The following CNTNAP4 variants were observed in gnomAD, a reference collection of about 807,000 sequenced individuals.
The protein encoded by CNTNAP4 is contactin-associated protein-like 4.
A neutral mutation model predicts 148.4 loss-of-function variants in CNTNAP4; 98 were observed. The observed-to-expected ratio is 0.66, with a 90% CI of 0.56 to 0.78. The LOEUF is 0.78. CNTNAP4 is among the 30% of genes least tolerant of loss of function. The pLI is 0.00. For missense variants in CNTNAP4, 1,935 were observed against 1,565.6 expected, an observed-to-expected ratio of 1.24 and a Z score of -3.98; for synonymous variants, 730 against 565.1, an observed-to-expected ratio of 1.29 and a Z score of -4.14.
chr16:76,450,961 A>G (rs2080445800), intron 7 of CNTNAP4, among the ~76,000 whole-genome samples: 1 of 152,220 alleles, frequency 6.6e-6, no homozygotes, highest in South Asian at 2.1e-4. Context: ...GTGTGGAGGC[A>G]TGTTGGAACT....
chr16:76,427,957 A>G (rs973615213), intron 4 of CNTNAP4, among the ~76,000 whole-genome samples: 1 of 152,202 alleles, frequency 6.6e-6, no homozygotes, highest in Non-Finnish European at 1.5e-5. Context: ...CCTGAGTCTA[A>G]TAAAAGGGAC....
At chr16:76,327,789 G>C (rs11861873) in intron 2 of CNTNAP4, among the ~76,000 whole-genome samples, 1 of 152,160 alleles carries the variant, frequency 6.6e-6, no homozygotes, top group Non-Finnish European at 1.5e-5. Context: ...GAAACTTTCT[G>C]CTTTTGTTCT....
chr16:76,311,243 T>C (rs1208165778), intron 1 of CNTNAP4, among the ~76,000 whole-genome samples: 2 of 152,198 alleles, frequency 1.3e-5, no homozygotes, highest in Admixed American at 6.5e-5. Context: ...TATTAAAATA[T>C]TTTCAGTATA....
chr16:76,302,404 G>C (rs1567629839), intron 1 of CNTNAP4, among the ~76,000 whole-genome samples: 1 of 152,060 alleles, frequency 6.6e-6, no homozygotes. Context: ...CCGTTTATGG[G>C]CTTGCTGTCA....
intron 2 of CNTNAP4, among the ~76,000 whole-genome samples, chr16:76,349,053 G>A (rs1965154017): frequency 6.6e-6 from 1 of 152,016 alleles, no homozygotes; most frequent in Non-Finnish European, 1.5e-5. Flanking sequence ...CCCAACGAAT[G>A]TCTTATGTAA....
chr16:76,432,979 C>T (rs886660764), intron 4 of CNTNAP4, among the ~76,000 whole-genome samples: 1 of 152,110 alleles, frequency 6.6e-6, no homozygotes, highest in Admixed American at 6.6e-5. Context: ...ATTTGGATAA[C>T]TCTCTTACTC....
intron 2 of CNTNAP4, among the ~76,000 whole-genome samples, chr16:76,341,480 A>T (rs562121523): frequency 2.6e-5 from 4 of 152,220 alleles, no homozygotes; most frequent in African/African-American, 2.4e-5. Context: ...AACTGACCAG[A>T]TTTGGCAACT....
intron 3 of CNTNAP4, among the ~76,000 whole-genome samples, chr16:76,380,219 C>G (rs1218322760): frequency 6.6e-6 from 1 of 152,078 alleles, no homozygotes; most frequent in Non-Finnish European, 1.5e-5. Flanking sequence ...TAACTAGAGG[C>G]TTTGTAGTAG....
At chr16:76,458,062 T>A (rs889290088) in intron 8 of CNTNAP4, among the ~76,000 whole-genome samples, 2 of 152,178 alleles carry the variant, frequency 1.3e-5, no homozygotes, top group African/African-American at 2.4e-5. Flanking sequence ...GTTTTCTGTT[T>A]TTGTGTTAAT....
At chr16:76,484,630 T>A (rs1170250166) in intron 12 of CNTNAP4, among the ~76,000 whole-genome samples, 7 of 152,188 alleles carry the variant, frequency 4.6e-5, no homozygotes, top group Non-Finnish European at 8.8e-5. Context: ...CTTATTGATC[T>A]GGTTTTGCAA....
chr16:76,372,064 C>T (rs2014885900), intron 3 of CNTNAP4, among the ~76,000 whole-genome samples: 1 of 152,002 alleles, frequency 6.6e-6, no homozygotes, highest in Non-Finnish European at 1.5e-5. Context: ...ACCGAATTTC[C>T]AATTCACCCA....
intron 2 of CNTNAP4, among the ~76,000 whole-genome samples, chr16:76,319,667 A>G (rs1597179160): frequency 3.3e-5 from 5 of 152,162 alleles, no homozygotes; most frequent in Admixed American, 2.6e-4. Flanking sequence ...ATTTGGAGAC[A>G]TACAGAGACA....
chr16:76,390,665 T>C (rs1465496132), intron 3 of CNTNAP4, among the ~76,000 whole-genome samples: 2 of 152,128 alleles, frequency 1.3e-5, no homozygotes, highest in Non-Finnish European at 2.9e-5. Flanking sequence ...GGAATGTGGC[T>C]TCACAGGTAG....
rs933525867 is a variant in CNTNAP4, at chr16:76,463,612, C to T, written c.1483+1507C>T. ...GTTGCAAAAATATAGAGAGTTCCTG[C>T]ACACCCGACATCCAGTTTCCTCTAT... On this transcript the variant is annotated intron_variant, in intron 9 of 23. Transcript: ENST00000611870. 3.3e-5 allele frequency among the ~76,000 whole-genome samples: 5 copies of T among 152,110 alleles called. No homozygotes were observed. In the East Asian group the frequency reaches 7.7e-4, roughly 24 times the overall value.
At chr16:76,376,592 C>T (rs556611032) in intron 3 of CNTNAP4, among the ~76,000 whole-genome samples, 4 of 152,300 alleles carry the variant, frequency 2.6e-5, no homozygotes, top group South Asian at 2.1e-4. Flanking sequence ...CCCACACAGT[C>T]GGAGAGCCCA....
intron 2 of CNTNAP4, among the ~76,000 whole-genome samples, chr16:76,340,581 C>G (rs962664587): frequency 1.3e-5 from 2 of 152,124 alleles, no homozygotes; most frequent in African/African-American, 2.4e-5. Flanking sequence ...CCAAGTCCTG[C>G]CAATTCTACC....
At chr16:76,372,232 C>T (rs1473879968) in intron 3 of CNTNAP4, among the ~76,000 whole-genome samples, 2 of 151,130 alleles carry the variant, frequency 1.3e-5, no homozygotes, top group African/African-American at 4.9e-5. Flanking sequence ...CTCCGCCTCC[C>T]AGGTCCATGC....
intron 3 of CNTNAP4, 57 bp downstream of exon 3, chr16:76,355,568 A>G (rs936475412): frequency 4.0e-6 from 5 of 1,258,646 alleles, no homozygotes; most frequent in East Asian, 2.7e-5. Context: ...TCAGTACTGC[A>G]TCTTGTTTAC....
At chr16:76,432,588 A>G (rs2079648765) in intron 4 of CNTNAP4, 1 of 152,226 alleles carries the variant, frequency 6.6e-6, no homozygotes, top group Admixed American at 6.5e-5. Flanking sequence ...TACAGAAACA[A>G]TACTACATGT....
Sources: allele counts gnomAD v4.1 joint callset (sites outside exome capture counted in the v4.1 genomes callset), GRCh38; gene constraint gnomAD v4.1.1; transcripts MANE v1.5; gene names NCBI Gene and HGNC (gene_info 2026-07-23, HGNC 2026-07-21).